Variants in TRPM3 observed in about 807,000 individuals in gnomAD.
TRPM3 encodes the protein long transient receptor potential channel 3.
Under a neutral mutation model 181.2 loss-of-function variants are expected in TRPM3, and 77 were observed. That is an observed-to-expected ratio of 0.42 (90% CI 0.35 to 0.51). The LOEUF (loss-of-function observed/expected upper bound fraction) is 0.51. Among genes scored for constraint, TRPM3 ranks in the 20% least tolerant of loss-of-function variants. The pLI is 0.01. For missense variants in TRPM3, 1,759 were observed against 2,196.7 expected (o/e 0.80, Z 3.98); for synonymous variants, 745 against 796.4 (o/e 0.94, Z 1.09).
intron 1 of TRPM3, among the ~76,000 whole-genome samples, chr9:71,089,573 G>GAA (rs58316281): frequency 6.9e-6 from 1 of 144,956 alleles, no homozygotes; most frequent in African/African-American, 2.5e-5. Flanking sequence ...ACAATGATGT[G>GAA]AAAAAAAAAA....
chr9:71,239,064 T>C (rs2081521298), intron 1 of TRPM3, among the ~76,000 whole-genome samples: 1 of 151,844 alleles, frequency 6.6e-6, no homozygotes. Context: ...CTCCTTCCCT[T>C]GAAGAAGGAA....
chr9:70,783,803 G>T, intron 7 of TRPM3: 1 of 989,312 alleles, frequency 1.0e-6, no homozygotes, highest in Non-Finnish European at 1.2e-6. Flanking sequence ...CTCCTTACTG[G>T]GAGGAGGAGA....
chr9:70,887,848 A>G (rs909034015), intron 1 of TRPM3, among the ~76,000 whole-genome samples: 1 of 152,234 alleles, frequency 6.6e-6, no homozygotes, highest in Non-Finnish European at 1.5e-5. Context: ...GCAGAGATAC[A>G]GTCTATAAAG....
At chr9:71,430,170 A>T (rs1588995488) in intron 1 of TRPM3, among the ~76,000 whole-genome samples, 2 of 152,208 alleles carry the variant, frequency 1.3e-5, no homozygotes, top group East Asian at 3.9e-4. Flanking sequence ...GAGGGCTGGA[A>T]CTTGATAAAA....
chr9:71,026,422 C>T (rs1288313085), intron 1 of TRPM3, among the ~76,000 whole-genome samples: 4 of 152,152 alleles, frequency 2.6e-5, no homozygotes, highest in Admixed American at 6.5e-5. Context: ...AGAGCAGCCC[C>T]GATGAACACG....
At chr9:70,861,061 C>T (rs1353050700) in intron 3 of TRPM3, among the ~76,000 whole-genome samples, 2 of 152,094 alleles carry the variant, frequency 1.3e-5, no homozygotes, top group Non-Finnish European at 2.9e-5. Context: ...TACTTCACTA[C>T]TAACACTCCA....
At chr9:70,880,090 T>A (rs907529532) in intron 1 of TRPM3, among the ~76,000 whole-genome samples, 1 of 152,136 alleles carries the variant, frequency 6.6e-6, no homozygotes. Context: ...ATTTGAAGGA[T>A]AAGGGGTCCA....
At chr9:70,778,737 A>T (rs7045063) in intron 7 of TRPM3, among the ~76,000 whole-genome samples, 65,155 of 151,908 alleles carry the variant, frequency 0.43, 14,740 homozygotes, top group African/African-American at 0.58. Flanking sequence ...AACCACTGAG[A>T]TCAATTACGT....
intron 9 of TRPM3, among the ~76,000 whole-genome samples, chr9:70,678,230 A>C (rs1347221313): frequency 6.6e-6 from 1 of 152,090 alleles, no homozygotes; most frequent in East Asian, 1.9e-4. Flanking sequence ...TGAGCCCCTT[A>C]CATCTCTGAC....
chr9:70,999,669 G>A (rs561588417), intron 1 of TRPM3, among the ~76,000 whole-genome samples: 1 of 152,278 alleles, frequency 6.6e-6, no homozygotes, highest in Admixed American at 6.5e-5. Context: ...GGCATTTTAA[G>A]TTTTTGTTCC....
chr9:71,004,462 T>C (rs1273438196), intron 1 of TRPM3, among the ~76,000 whole-genome samples: 1 of 152,226 alleles, frequency 6.6e-6, no homozygotes, highest in Non-Finnish European at 1.5e-5. Context: ...TAAGCTCCAG[T>C]GTTAAGTAGT....
intron 8 of TRPM3, among the ~76,000 whole-genome samples, chr9:70,696,369 T>G (rs2070448499): frequency 6.6e-6 from 1 of 152,310 alleles, no homozygotes; most frequent in East Asian, 1.9e-4. Flanking sequence ...CGATCAGGTT[T>G]CCTCCTAATA....
chr9:71,215,725 T>C (rs1369802575), intron 1 of TRPM3, among the ~76,000 whole-genome samples: 3 of 152,232 alleles, frequency 2.0e-5, no homozygotes, highest in South Asian at 2.1e-4. Context: ...TTGTGAGAAA[T>C]TGAAAATTTT....
At chr9:70,690,807 T>C (rs4617221) in intron 8 of TRPM3, among the ~76,000 whole-genome samples, 55,131 of 152,050 alleles carry the variant, frequency 0.36, 10,251 homozygotes, top group East Asian at 0.46. Flanking sequence ...TAAGCACATA[T>C]TAGCTTCTGT....
At chr9:71,107,863 C>T (rs1190641371) in intron 1 of TRPM3, among the ~76,000 whole-genome samples, 1 of 152,122 alleles carries the variant, frequency 6.6e-6, no homozygotes, top group African/African-American at 2.4e-5. Context: ...ATTTAGTTTA[C>T]TGTGACATTA....
intron 1 of TRPM3, among the ~76,000 whole-genome samples, chr9:70,977,325 G>A (rs1392199261): frequency 2.0e-5 from 3 of 152,130 alleles, no homozygotes; most frequent in Non-Finnish European, 2.9e-5. Context: ...TAGTAGAGAC[G>A]GGGTTTCACC....
intron 1 of TRPM3, among the ~76,000 whole-genome samples, chr9:71,443,665 C>T (rs890800463): frequency 2.0e-5 from 3 of 151,972 alleles, no homozygotes; most frequent in Admixed American, 2.0e-4. Context: ...ATGGAGTTAC[C>T]CAACCTCTAA....
chr9:71,201,163 G>C (rs912117357), intron 1 of TRPM3, among the ~76,000 whole-genome samples: 1 of 151,540 alleles, frequency 6.6e-6, no homozygotes, highest in Non-Finnish European at 1.5e-5. Context: ...GAAATTCTGG[G>C]TTGAAAATTC....
chr9:71,223,366 A>T (rs1191453777), intron 1 of TRPM3, among the ~76,000 whole-genome samples: 1 of 152,180 alleles, frequency 6.6e-6, no homozygotes, highest in Admixed American at 6.5e-5. Context: ...ATCTGCTGAC[A>T]TAAAAGCCTT....
Sources: allele counts gnomAD v4.1 joint callset (sites outside exome capture counted in the v4.1 genomes callset), GRCh38; gene constraint gnomAD v4.1.1; transcripts MANE v1.5; gene names NCBI Gene and HGNC (gene_info 2026-07-23, HGNC 2026-07-21).